Variants in FCN1 observed in about 807,000 individuals in gnomAD.
The protein encoded by FCN1 is ficolin-1.
A neutral mutation model predicts 35.6 loss-of-function variants in FCN1; 42 were observed. That is an observed-to-expected ratio of 1.18 (90% confidence interval 0.92 to 1.53). The LOEUF is 1.53. Ranked by LOEUF, FCN1 falls within the 40% of genes most tolerant of loss-of-function variation. FCN1 has a pLI of 0.00. For missense variants in FCN1, 439 were observed against 428.4 expected (o/e 1.02, Z -0.22); for synonymous variants, 179 against 169.8 (o/e 1.05, Z -0.42).
Position 134,917,838 on chromosome 9 carries a change from G to C in FCN1, c.34C>G (p.Leu12Val). The change falls in exon 1 of 9, where the codon CTC becomes GTC. Residue 12 changes from leucine to valine, a missense_variant. Transcript: ENST00000371806. ...AGGAACAAGACTAGCAGGACAGCGA[G>C]CCCCCGGGCCATGGTGGCTCCACTC... The part of the protein sequence containing the change: ...ELSGATMARG[L>V]AVLLVLFLHI... 1 of 1,613,750 alleles carries C rather than the reference G, an allele frequency of 6.2e-7. No homozygotes were observed. The highest frequency in any genetic ancestry group is 8.5e-7 in the Non-Finnish European group (1 of 1,179,740).
intron 1 of FCN1, 44 bp from the exon 2 acceptor site, chr9:134,916,505 T>G (rs375296834): frequency 4.1e-5 from 65 of 1,577,384 alleles, no homozygotes; most frequent in Non-Finnish European, 5.4e-5. Context: ...GGCCCAACAG[T>G]GGCTGGGAAG....
At position 134,913,093 on chromosome 9, in the gene FCN1, A is replaced by G; in HGVS notation, c.391T>C (p.Trp131Arg). Residue 131 changes from tryptophan (W) to arginine (R), a missense_variant, in exon 6 of 9, where the codon TGG (tryptophan) becomes CGG (arginine). Trp to Arg is a moderately radical substitution (Grantham distance 101). Transcript: ENST00000371806. ...CAGTCGGGCAGGTAGATGGTGTGCCAGCCGCTCAGGAAATACCCCCGGTCT... is the reference window on the plus strand; with the variant it reads ...CAGTCGGGCAGGTAGATGGTGTGCCGGCCGCTCAGGAAATACCCCCGGTCT... ...LLDRGYFLSG[W>R]HTIYLPDCRP... 6.2e-7 allele frequency: 1 copy of G among 1,613,952 alleles called. No individual in the cohort carries two copies. The highest frequency in any genetic ancestry group is 8.5e-7 in the Non-Finnish European group (1 of 1,179,944).
intron 5 of FCN1, 58 bp downstream of exon 5, chr9:134,913,523 G>A: frequency 2.8e-6 from 4 of 1,414,446 alleles, no homozygotes; most frequent in South Asian, 1.3e-5. Context: ...AACGTGTGCA[G>A]CTGGCCCCAG....
rs1355932034 is a variant in FCN1 at position 134,904,530 on chromosome 9, G to C, written c.*5268C>G. Among the ~76,000 whole-genome samples the C allele has an allele frequency of 6.6e-6, 1 of 152,150 alleles. No individual in the cohort carries two copies. Among genetic ancestry groups the C allele is most frequent in the East Asian group, 1.9e-4 (1 of 5,192 alleles). ...ACGGTGTCTCACATCTGTAATCCTA[G>C]CACTTTGGGAGGCTGAGGCGGGTGG... On this transcript the variant is annotated 3_prime_UTR_variant, in exon 9 of 9. Transcript: ENST00000371806.
intron 5 of FCN1, 60 bp from the exon 6 acceptor site, chr9:134,913,203 T>G (rs1588657002): frequency 1.9e-6 from 3 of 1,603,802 alleles, no homozygotes; most frequent in Non-Finnish European, 1.7e-6. Flanking sequence ...ACAGGGGCAG[T>G]GGGAGGGAGG....
At chr9:134,917,548 C>T (rs954374238) in intron 1 of FCN1, among the ~76,000 whole-genome samples, 6 of 152,174 alleles carry the variant, frequency 3.9e-5, no homozygotes, top group East Asian at 1.9e-4. Context: ...CCTGGGCTTT[C>T]GAGGCAGACA....
At position 134,916,226 on chromosome 9, in the gene FCN1, T is replaced by C. The variant is rs185079902; in HGVS notation, c.217+122A>G. 1.8e-3 allele frequency: 1,411 copies of C among 784,672 alleles called. 22 individuals carry two copies. Among genetic ancestry groups the C allele is most frequent in the South Asian group, 0.017 (1,119 of 64,746 alleles). The allele number at this position is 784,672 out of a possible 1,614,324, so 48.6% of individuals were successfully genotyped here. ...TCTGTTCCTGGCTCTAGCAGGGGCCTGACCCAGGCTCTTGATCTAGGAACC... is the reference window on the plus strand; with the variant it reads ...TCTGTTCCTGGCTCTAGCAGGGGCCCGACCCAGGCTCTTGATCTAGGAACC... On this transcript the variant is annotated intron_variant, in intron 2 of 8. Coordinates refer to ENST00000371806, the MANE Select transcript of FCN1 (RefSeq NM_002003.5).
Position 134,909,103 on chromosome 9 carries a change from G to T in FCN1, c.*695C>A, listed in dbSNP as rs2118931739. 1 of 859,548 alleles carries T rather than the reference G, an allele frequency of 1.2e-6. No individual in the cohort carries two copies. The highest frequency in any genetic ancestry group is 1.6e-6 in the Non-Finnish European group (1 of 627,212). 53.2% of individuals were successfully genotyped at this position (859,548 alleles called of 1,614,324 possible). A position where few individuals can be genotyped will look rare whatever the true frequency, so the allele number is the denominator to read the frequency against. On this transcript the variant is annotated 3_prime_UTR_variant, in exon 9 of 9. Coordinates refer to ENST00000371806, the MANE Select transcript of FCN1 (RefSeq NM_002003.5). ...CCACTGAGGTCCGCGGTCCCCTCTA[G>T]CTGAGGTCTGTGTGTGGGAGGAAGG... is the stretch of plus-strand genomic sequence containing the variant.
intron 5 of FCN1, 49 bp from the exon 6 acceptor site, chr9:134,913,192 G>A: frequency 6.2e-7 from 1 of 1,609,238 alleles, no homozygotes. Flanking sequence ...CCCTGGGCAG[G>A]ACAGGGGCAG....
intron 1 of FCN1, 32 bp downstream of exon 1, chr9:134,917,737 T>C (rs1224486543): frequency 1.3e-6 from 2 of 1,485,224 alleles, no homozygotes; most frequent in African/African-American, 1.4e-5. Flanking sequence ...GTTACCAGCT[T>C]TTAGGGACCA....
intron 6 of FCN1, 112 bp from the exon 7 acceptor site, chr9:134,912,727 G>T (rs1307158883): frequency 7.0e-7 from 1 of 1,421,746 alleles, no homozygotes. Flanking sequence ...TCACAGGCCG[G>T]TGCCACACGC....
intron 1 of FCN1, 77 bp downstream of exon 1, chr9:134,917,692 T>C: frequency 2.2e-6 from 2 of 902,072 alleles, no homozygotes; most frequent in Non-Finnish European, 3.7e-6. Flanking sequence ...ATAAAAGGTT[T>C]TGCCTGGGAC....
intron 4 of FCN1, 143 bp from the exon 5 acceptor site, chr9:134,913,756 G>C (rs1831057161): frequency 3.6e-6 from 2 of 562,758 alleles, no homozygotes; most frequent in East Asian, 6.2e-5. Flanking sequence ...CACAGGCCTA[G>C]GGAAGGATGG....
Position 134,914,802 on chromosome 9 carries a change from G to A in FCN1, c.225C>T (p.Arg75=), listed in dbSNP as rs138683483. 24 of 1,611,520 alleles carry A rather than the reference G, an allele frequency of 1.5e-5. No individual in the cohort carries two copies. The East Asian group carries it at 2.2e-4, about 15-fold the overall frequency. The change falls in exon 3 of 9, where the codon CGC becomes CGT. Residue 75 remains arginine (R), a synonymous_variant. Transcript: ENST00000371806. The stretch of plus-strand genomic sequence containing the variant: ...CCTTTCCAGGGGCTCCAGGGAGACC[G>A]CGTTCTCCTGAAAATTCCAAAGACA... ...EAGVIGERGE[R]GLPGAPGKAG...
rs141549661 is a variant in FCN1, at chr9:134,916,401, C to T, written c.164G>A (p.Gly55Glu). The T allele has an allele frequency of 6.2e-7, 1 of 1,614,212 alleles. No homozygotes were observed. Among genetic ancestry groups the T allele is most frequent in the Non-Finnish European group, 8.5e-7 (1 of 1,180,044 alleles). ...CTTTGGCCCTGGGGCCCCGGGCAGC[C>T]CCGGGCAGCCTCGGAGAATGGTGAG... The part of the protein sequence containing the change: ...DKLTILRGCP[G>E]LPGAPGPKGE... The change falls in exon 2 of 9, where the codon GGG (glycine) becomes GAG (glutamate). Residue 55 changes from glycine (G) to glutamate (E), a missense_variant. Gly to Glu is a moderately conservative substitution (Grantham distance 98). Coordinates refer to ENST00000371806, the MANE Select transcript of FCN1 (RefSeq NM_002003.5).
rs559997786 is a variant in FCN1, at chr9:134,903,267, T to C, written c.*6531A>G. 6.6e-6 allele frequency among the ~76,000 whole-genome samples: 1 copy of C among 152,310 alleles called. No individual in the cohort carries two copies. The highest frequency in any genetic ancestry group is 2.1e-4 in the South Asian group (1 of 4,830). On this transcript the variant is annotated 3_prime_UTR_variant, in exon 9 of 9. Coordinates refer to ENST00000371806, the MANE Select transcript of FCN1 (RefSeq NM_002003.5). ...GGCTATTAATCAGTTTATTAATCTA[T>C]TTTTTATATATAGACTTTTCAGTAG...
Position 134,906,013 on chromosome 9 carries a change from G to A in FCN1, c.*3785C>T, listed in dbSNP as rs1830954106. The A allele has an allele frequency of 7.5e-6, 1 of 133,144 alleles. No individual in the cohort carries two copies. The highest frequency in any genetic ancestry group is 3.2e-5 in the African/African-American group (1 of 31,226). The allele number at this position is 133,144 out of a possible 1,614,324, so 8.2% of individuals were successfully genotyped here. A position where few individuals can be genotyped will look rare whatever the true frequency, so the allele number is the denominator to read the frequency against. On this transcript the variant is annotated 3_prime_UTR_variant, in exon 9 of 9. Transcript: ENST00000371806. ...TTTTTATTTTTATTTTTTTTTTGAGGCGGAATCTCGCTCTGTTCCCCAGGC... is the reference window on the plus strand; with the variant it reads ...TTTTTATTTTTATTTTTTTTTTGAGACGGAATCTCGCTCTGTTCCCCAGGC...
intron 8 of FCN1, among the ~76,000 whole-genome samples, chr9:134,910,649 TG>T (rs1388647421): frequency 1.3e-5 from 2 of 152,182 alleles, no homozygotes; most frequent in Non-Finnish European, 2.9e-5. Context: ...CCTTGCTCCA[TG>T]GAGCAGTTAG....
In FCN1 at chr9:134,912,567, C is replaced by T. The variant is rs764728334; in HGVS notation, c.517G>A (p.Ala173Thr). The change falls in exon 7 of 9, where the codon GCC becomes ACC. Residue 173 changes from alanine to threonine, a missense_variant. Transcript: ENST00000371806. ...CTGCCGAAGCCCTGCTTGTATGCGG[C>T]CCAGTCCCGATAGAAGTCCACAGAG... ...DGSVDFYRDW[A>T]AYKQGFGSQL... The T allele has an allele frequency of 3.7e-6, 6 of 1,614,142 alleles. No individual in the cohort carries two copies. In the South Asian group the frequency reaches 4.4e-5, roughly 12 times the overall value.
Sources: gnomAD v4.1 joint callset for allele counts (sites outside exome capture counted in the v4.1 genomes callset) on GRCh38, gnomAD v4.1.1 for gene constraint, MANE v1.5 for transcripts, NCBI Gene and HGNC (gene_info 2026-07-23, HGNC 2026-07-21) for gene names.